Variants in PDZRN4 observed in about 807,000 individuals in gnomAD.
PDZRN4 encodes the protein PDZ domain-containing RING finger protein 4.
PDZRN4 carries 70 observed loss-of-function variants against 99.0 expected under a neutral mutation model. The ratio of observed to expected loss-of-function variants is 0.71; its 90% CI spans 0.58 to 0.86. The LOEUF (loss-of-function observed/expected upper bound fraction) is 0.86. PDZRN4 is among the 40% of genes least tolerant of loss of function. The pLI is 0.00. For synonymous variants in PDZRN4, 551 were observed against 501.6 expected (o/e 1.10, Z -1.32); for missense variants, 1,474 against 1,331.2 (o/e 1.11, Z -1.67).
intron 3 of PDZRN4, among the ~76,000 whole-genome samples, chr12:41,431,692 G>A (rs1307763840): frequency 6.6e-6 from 1 of 152,142 alleles, no homozygotes; most frequent in Admixed American, 6.6e-5. Flanking sequence ...TAATGTTTGT[G>A]ACAACTCTTA....
intron 3 of PDZRN4, among the ~76,000 whole-genome samples, chr12:41,286,283 G>T (rs1300629587): frequency 6.6e-6 from 1 of 150,788 alleles, no homozygotes; most frequent in African/African-American, 2.4e-5. Flanking sequence ...AAAGAAGAAG[G>T]CTGATCGCTC....
At chr12:41,189,560 G>A (rs1032123958) in intron 1 of PDZRN4, among the ~76,000 whole-genome samples, 16 of 152,132 alleles carry the variant, frequency 1.1e-4, no homozygotes, top group East Asian at 9.7e-4. Flanking sequence ...CCTGGCAGCC[G>A]CGCACGCACA....
chr12:41,406,733 C>T (rs1952353271), intron 3 of PDZRN4, among the ~76,000 whole-genome samples: 1 of 151,744 alleles, frequency 6.6e-6, no homozygotes. Context: ...AACTCTACTA[C>T]TGTAATCCCA....
intron 5 of PDZRN4, among the ~76,000 whole-genome samples, chr12:41,533,016 A>T (rs530927335): frequency 1.3e-5 from 2 of 152,270 alleles, no homozygotes; most frequent in African/African-American, 4.8e-5. Context: ...TACATGCTAA[A>T]GTGTATTGCC....
intron 3 of PDZRN4, chr12:41,409,332 A>G (rs998729598): frequency 1.3e-5 from 2 of 152,128 alleles, no homozygotes; most frequent in African/African-American, 4.8e-5. Context: ...GCACTCTGGT[A>G]GGTGCAAAAT....
At chr12:41,495,540 C>A (rs1937982987) in intron 3 of PDZRN4, among the ~76,000 whole-genome samples, 1 of 152,042 alleles carries the variant, frequency 6.6e-6, no homozygotes, top group African/African-American at 2.4e-5. Context: ...TCCACACTGT[C>A]CCTGTCTTGA....
intron 3 of PDZRN4, among the ~76,000 whole-genome samples, chr12:41,398,133 TA>T (rs1341286661): frequency 1.3e-5 from 2 of 152,152 alleles, no homozygotes; most frequent in East Asian, 3.9e-4. Context: ...TTACTATTAC[TA>T]ATCTACTCTC....
At chr12:41,231,144 T>C (rs1481768425) in intron 3 of PDZRN4, among the ~76,000 whole-genome samples, 1 of 152,054 alleles carries the variant, frequency 6.6e-6, no homozygotes, top group African/African-American at 2.4e-5. Context: ...ATGTATTGAA[T>C]GAAAAACACT....
intron 5 of PDZRN4, among the ~76,000 whole-genome samples, chr12:41,534,625 T>G (rs1048425830): frequency 5.3e-5 from 8 of 152,204 alleles, no homozygotes. Flanking sequence ...AAAGTTTCCT[T>G]TAGTTACAGT....
At chr12:41,559,794 A>G (rs1280670338) in intron 7 of PDZRN4, among the ~76,000 whole-genome samples, 1 of 152,158 alleles carries the variant, frequency 6.6e-6, no homozygotes, top group Non-Finnish European at 1.5e-5. Context: ...ACCCAGTGTT[A>G]GGTAATTGAA....
At chr12:41,497,857 C>A (rs1038813974) in intron 3 of PDZRN4, among the ~76,000 whole-genome samples, 1 of 152,000 alleles carries the variant, frequency 6.6e-6, no homozygotes, top group Non-Finnish European at 1.5e-5. Flanking sequence ...TAGGGATATG[C>A]AACAGAAACA....
intron 7 of PDZRN4, among the ~76,000 whole-genome samples, chr12:41,556,799 A>C (rs1260274235): frequency 2.0e-5 from 3 of 152,198 alleles, no homozygotes; most frequent in South Asian, 2.1e-4. Context: ...GCCAGTTTCT[A>C]TCCTAAACCT....
In PDZRN4 at chr12:41,201,522, C is replaced by T. The variant is rs535330668; in HGVS notation, c.843+7334C>T. 8.9e-4 allele frequency among the ~76,000 whole-genome samples: 136 copies of T among 152,180 alleles called. 5 individuals are homozygous for T. The South Asian group carries it at 0.028, about 31-fold the overall frequency. On this transcript the variant is annotated intron_variant, in intron 3 of 9. Transcript: ENST00000402685. ...TTATTGAACTTACTATCTTCAGCAT[C>T]TCTTTTGCTCTCAGCATTGTGCCTG...
intron 3 of PDZRN4, among the ~76,000 whole-genome samples, chr12:41,220,322 C>G (rs771290360): frequency 6.6e-6 from 1 of 152,020 alleles, no homozygotes; most frequent in Non-Finnish European, 1.5e-5. Context: ...GTGTCTGTGC[C>G]CTAATCTCTT....
intron 3 of PDZRN4, among the ~76,000 whole-genome samples, chr12:41,241,165 A>T (rs1279389080): frequency 1.3e-5 from 2 of 152,146 alleles, no homozygotes; most frequent in Non-Finnish European, 2.9e-5. Context: ...TTATGGGTAC[A>T]GTATCCCTCA....
intron 3 of PDZRN4, among the ~76,000 whole-genome samples, chr12:41,462,505 T>G (rs1025818351): frequency 1.3e-5 from 2 of 152,156 alleles, no homozygotes; most frequent in Non-Finnish European, 2.9e-5. Flanking sequence ...AGGTAAAAAA[T>G]TGCTCACCAG....
chr12:41,397,600 GC>G (rs1425981932), intron 3 of PDZRN4, among the ~76,000 whole-genome samples: 2 of 152,024 alleles, frequency 1.3e-5, no homozygotes, highest in African/African-American at 4.8e-5. Context: ...GTATTTAATT[GC>G]TTTTAGAATT....
rs541979819 is a variant in PDZRN4 at position 41,503,879 on chromosome 12, A to C, written c.844-2577A>C. Among the ~76,000 whole-genome samples, 2 of 152,336 alleles carry C rather than the reference A, an allele frequency of 1.3e-5. 1 individual carries two copies. The highest frequency in any genetic ancestry group is 4.1e-4 in the South Asian group (2 of 4,834). ...GATATTGGATAAAGTTGCCTCAAAA[A>C]AATGGTCTTATTTCACTCTACCACT... On this transcript the variant is annotated intron_variant, in intron 3 of 9. Transcript: ENST00000402685.
intron 3 of PDZRN4, among the ~76,000 whole-genome samples, chr12:41,460,257 T>G: frequency 6.6e-6 from 1 of 152,222 alleles, no homozygotes; most frequent in East Asian, 1.9e-4. Flanking sequence ...GCTACTTTCT[T>G]ACAATATTGC....
Sources: gnomAD v4.1 joint callset for allele counts (sites outside exome capture counted in the v4.1 genomes callset) on GRCh38, gnomAD v4.1.1 for gene constraint, MANE v1.5 for transcripts, NCBI Gene and HGNC (gene_info 2026-07-23, HGNC 2026-07-21) for gene names.